The following EPHA2 variants were observed in gnomAD, a reference collection of about 807,000 sequenced individuals.
The protein encoded by EPHA2 is EPH receptor A2.
In EPHA2, 54 loss-of-function variants were observed where a neutral mutation model predicts 104.9. The ratio of observed to expected loss-of-function variants is 0.51; its 90% CI spans 0.41 to 0.65. The LOEUF (loss-of-function observed/expected upper bound fraction) is 0.65, where lower values mean the gene tolerates loss of function less well. EPHA2 is among the 30% of genes least tolerant of loss of function. The pLI is 0.00. For missense variants in EPHA2, 1,117 were observed against 1,369.5 expected, an observed-to-expected ratio of 0.82 and a Z score of 2.91; for synonymous variants, 560 against 559.1, an observed-to-expected ratio of 1.00 and a Z score of -0.02.
intron 3 of EPHA2, among the ~76,000 whole-genome samples, chr1:16,145,758 A>G (rs1334642929): frequency 6.6e-6 from 1 of 152,084 alleles, no homozygotes; most frequent in Admixed American, 6.5e-5. Flanking sequence ...AGGGATTCCA[A>G]AGGAACTGGT....
intron 3 of EPHA2, among the ~76,000 whole-genome samples, chr1:16,143,013 A>ATGGATGGATGGGTGGATAGGTGGGTGGT: frequency 9.8e-6 from 1 of 101,870 alleles, no homozygotes; most frequent in Non-Finnish European, 1.9e-5. Context: ...GGATGGATGG[A>ATGGATGGATGGGTGGATAGGTGGGTGGT]TGGGTGGATA....
intron 1 of EPHA2, chr1:16,153,052 A>G (rs1308064043): frequency 1.7e-5 from 16 of 917,886 alleles, no homozygotes; most frequent in Non-Finnish European, 2.0e-5. Context: ...GCTGACCCAG[A>G]CGGCTTCCTG....
In EPHA2 at chr1:16,129,539, C is replaced by G. The variant is rs765722529; in HGVS notation, c.2720G>C (p.Arg907Pro). The G allele has an allele frequency of 1.2e-6, 2 of 1,613,074 alleles. No homozygotes were observed. ...STSGSEGVPF[R>P]TVSEWLESIK... Reference sequence around the variant, plus strand: ...GGACTCCAGCCACTCGGACACCGTGCGGAAGGGCACCCCCTCCGAGCCGCT... The same window carrying G: ...GGACTCCAGCCACTCGGACACCGTGGGGAAGGGCACCCCCTCCGAGCCGCT... Residue 907 changes from arginine to proline, a missense_variant, in exon 16 of 17, where the codon CGC (arginine) becomes CCC (proline). This residue lies in a region of EPHA2 where 340 missense variants were observed against 480.5 expected (regional missense o/e 0.71). Transcript: ENST00000358432.
chr1:16,152,891 C>A (rs1247574854), intron 1 of EPHA2, among the ~76,000 whole-genome samples: 1 of 152,220 alleles, frequency 6.6e-6, no homozygotes, highest in East Asian at 1.9e-4. Context: ...GGCCCCCTCC[C>A]AGGGAAATTC....
chr1:16,133,631 C>T, intron 9 of EPHA2, 25 bp from the exon 10 acceptor site: 2 of 1,613,398 alleles, frequency 1.2e-6, no homozygotes, highest in South Asian at 2.2e-5. Context: ...GGTGGGGTCA[C>T]AGGCAGCTCA....
rs2025157596 is a variant in EPHA2, at chr1:16,155,895, A to ATGG, written c.37_38insCCA (p.Leu13delinsProMet). ...GGCCGCGGCCAGCGCACAGCCCCACAGCAGGGCGAAGCAGGCGCGGGCTGC... is the reference window on the plus strand; with the variant it reads ...GGCCGCGGCCAGCGCACAGCCCCACATGGGCAGGGCGAAGCAGGCGCGGGCTGC... On this transcript the variant is annotated protein_altering_variant, in exon 1 of 17. Transcript: ENST00000358432. 1 of 1,487,436 alleles carries ATGG rather than the reference A, an allele frequency of 6.7e-7. No individual in the cohort carries two copies. The allele number at this position is 1,487,436 out of a possible 1,614,324, so 92.1% of individuals were successfully genotyped here.
chr1:16,135,556 C>T lies in EPHA2; in HGVS notation c.1428+99G>A, dbSNP rs1363811655. 3 of 1,188,552 alleles carry T rather than the reference C, an allele frequency of 2.5e-6. No individual in the cohort carries two copies. The highest frequency in any genetic ancestry group is 3.8e-6 in the Non-Finnish European group (3 of 796,566). 73.6% of individuals were successfully genotyped at this position (1,188,552 alleles called of 1,614,324 possible). On this transcript the variant is annotated intron_variant, in intron 6 of 16. Transcript: ENST00000358432. This position sits in a 1 kb window ranked among gnomAD's most constrained non-coding sequence, Gnocchi z 4.3. ...CAGTTTCCCCATCTGCAGAAGGGTGCTTCTTCAGATGGCTGGGTGGTTTGG... is the reference window on the plus strand; with the variant it reads ...CAGTTTCCCCATCTGCAGAAGGGTGTTTCTTCAGATGGCTGGGTGGTTTGG...
Position 16,131,370 on chromosome 1 carries a change from A to C in EPHA2, c.2475+351T>G. 6.6e-6 allele frequency among the ~76,000 whole-genome samples: 1 copy of C among 152,074 alleles called. No homozygotes were observed. The highest frequency in any genetic ancestry group is 1.9e-4 in the East Asian group (1 of 5,184). ...TGAGGCATGTGGATCACCTGAAGCGAGGAGCTAGAGACCAGCCTGGCCAAC... is the reference window on the plus strand; with the variant it reads ...TGAGGCATGTGGATCACCTGAAGCGCGGAGCTAGAGACCAGCCTGGCCAAC... On this transcript the variant is annotated intron_variant, in intron 14 of 16. Coordinates refer to ENST00000358432, the MANE Select transcript of EPHA2 (RefSeq NM_004431.5). The surrounding 1 kb of genome is among the most constrained non-coding windows in gnomAD (Gnocchi z 5.2).
rs1003796002 is a variant in EPHA2 at position 16,128,626 on chromosome 1, C to T, written c.2825+808G>A. Reference sequence around the variant, plus strand: ...CCACTATTTTTAGAGGCACAAAAGGCTAAGAGGATAGGGTCTCCCCCTTCC... The same window carrying T: ...CCACTATTTTTAGAGGCACAAAAGGTTAAGAGGATAGGGTCTCCCCCTTCC... On this transcript the variant is annotated intron_variant, in intron 16 of 16. Coordinates refer to ENST00000358432, the MANE Select transcript of EPHA2 (RefSeq NM_004431.5). This position sits in a 1 kb window ranked among gnomAD's most constrained non-coding sequence, Gnocchi z 4.7. 2.6e-5 allele frequency among the ~76,000 whole-genome samples: 4 copies of T among 152,154 alleles called. No individual in the cohort carries two copies. Among genetic ancestry groups the T allele is most frequent in the African/African-American group, 7.2e-5 (3 of 41,426 alleles).
chr1:16,133,153 C>T (rs1357835864), intron 11 of EPHA2, 27 bp downstream of exon 11: 2 of 1,611,982 alleles, frequency 1.2e-6, no homozygotes, highest in Admixed American at 1.7e-5. Flanking sequence ...CCCTCTCCAC[C>T]CAGTGTGGGC....
chr1:16,133,960 G>T, intron 8 of EPHA2, 45 bp from the exon 9 acceptor site: 1 of 1,544,388 alleles, frequency 6.5e-7, no homozygotes, highest in Non-Finnish European at 8.8e-7. Flanking sequence ...GGTCAGTGAG[G>T]TCTGCTCCGG....
chr1:16,136,381 A>G (rs938686151), intron 5 of EPHA2, among the ~76,000 whole-genome samples: 10 of 150,950 alleles, frequency 6.6e-5, no homozygotes, highest in African/African-American at 2.4e-4. Context: ...GCACTTTGGG[A>G]GGCCGAGGCG....
chr1:16,155,985 CGCACGCCT>C lies in EPHA2; in HGVS notation c.-61_-54del. The stretch of plus-strand genomic sequence containing the variant: ...CCCCCGAGCCCGGCTCCCGCACACC[CGCACGCCT>C]GCACGCCGGCCTCGGTGTCCGCTCC... On this transcript the variant is annotated 5_prime_UTR_variant, in exon 1 of 17. Transcript: ENST00000358432. 7.1e-7 allele frequency: 1 copy of C among 1,406,660 alleles called. No homozygotes were observed. The highest frequency in any genetic ancestry group is 1.4e-5 in the South Asian group (1 of 70,958). 87.1% of individuals were successfully genotyped at this position (1,406,660 alleles called of 1,614,324 possible).
In EPHA2 at chr1:16,156,006, C is replaced by G. The variant is rs915661144; in HGVS notation, c.-74G>C. The G allele has an allele frequency of 7.7e-7, 1 of 1,297,232 alleles. No homozygotes were observed. The highest frequency in any genetic ancestry group is 1.0e-6 in the Non-Finnish European group (1 of 992,502). The allele number at this position is 1,297,232 out of a possible 1,614,324, so 80.4% of individuals were successfully genotyped here. A position where few individuals can be genotyped will look rare whatever the true frequency, so the allele number is the denominator to read the frequency against. On this transcript the variant is annotated 5_prime_UTR_variant, in exon 1 of 17. Transcript: ENST00000358432. ...CACCCGCACGCCTGCACGCCGGCCT[C>G]GGTGTCCGCTCCCGCCCGCCGGCCT... is the stretch of plus-strand genomic sequence containing the variant.
At position 16,155,890 on chromosome 1, in the gene EPHA2, C is replaced by T; in HGVS notation, c.43G>A (p.Gly15Ser). The T allele has an allele frequency of 2.0e-6, 3 of 1,487,702 alleles. No individual in the cohort carries two copies. The highest frequency in any genetic ancestry group is 2.7e-6 in the Non-Finnish European group (3 of 1,126,658). 92.2% of individuals were successfully genotyped at this position (1,487,702 alleles called of 1,614,324 possible). Reference sequence around the variant, plus strand: ...GCCGCGGCCGCGGCCAGCGCACAGCCCCACAGCAGGGCGAAGCAGGCGCGG... The same window carrying T: ...GCCGCGGCCGCGGCCAGCGCACAGCTCCACAGCAGGGCGAAGCAGGCGCGG... ...AARACFALLW[G>S]CALAAAAAAQ... is the part of the protein sequence containing the mutation. The change falls in exon 1 of 17, where the codon GGC (glycine) becomes AGC (serine). Residue 15 changes from glycine (G) to serine (S), a missense_variant. Gly to Ser is a moderately conservative substitution (Grantham distance 56). Transcript: ENST00000358432.
intron 1 of EPHA2, 187 bp downstream of exon 1, chr1:16,155,661 G>A (rs2025147443): frequency 4.4e-6 from 2 of 450,054 alleles, no homozygotes; most frequent in Non-Finnish European, 7.6e-6. Flanking sequence ...CTTATTCTCC[G>A]GAGCCCCTAT....
rs868192316 is a variant in EPHA2 at position 16,128,830 on chromosome 1, G to C, written c.2825+604C>G. ...GCAGGCTGAGAGCCAACCAAGTGGA[G>C]AGAGGTGCCCGGGGTAGGCCAGGGG... On this transcript the variant is annotated intron_variant, in intron 16 of 16. Transcript: ENST00000358432. The surrounding 1 kb of genome is among the most constrained non-coding windows in gnomAD (Gnocchi z 4.7). Among the ~76,000 whole-genome samples the C allele has an allele frequency of 2.0e-5, 3 of 152,186 alleles. No individual in the cohort carries two copies. The highest frequency in any genetic ancestry group is 7.2e-5 in the African/African-American group (3 of 41,450).
Position 16,125,082 on chromosome 1 carries a change from T to C in EPHA2, c.*133A>G. The C allele has an allele frequency of 1.2e-6, 1 of 834,290 alleles. No individual in the cohort carries two copies. The highest frequency in any genetic ancestry group is 1.7e-5 in the African/African-American group (1 of 59,482). 51.7% of individuals were successfully genotyped at this position (834,290 alleles called of 1,614,324 possible). On this transcript the variant is annotated 3_prime_UTR_variant, in exon 17 of 17. Transcript: ENST00000358432. The surrounding 1 kb of genome is among the most constrained non-coding windows in gnomAD (Gnocchi z 4.9). ...AGGCCAGGGTGTCATCCGAGACCCC[T>C]CAGCGGAAGTTGCAGGGGGAGGAAA...
intron 1 of EPHA2, chr1:16,155,393 C>CGA (rs1406623676): frequency 6.6e-6 from 1 of 152,390 alleles, no homozygotes; most frequent in African/African-American, 2.4e-5. Flanking sequence ...GGCTCCCGCC[C>CGA]GCCCGAGCCC....
Sources: allele counts gnomAD v4.1 joint callset (sites outside exome capture counted in the v4.1 genomes callset), GRCh38; gene constraint gnomAD v4.1.1; regional missense constraint gnomAD v4.1.1; non-coding constraint Gnocchi (gnomAD v3.1); transcripts MANE v1.5; gene names NCBI Gene and HGNC (gene_info 2026-07-23, HGNC 2026-07-21).